ARHGAP15: variants seen among roughly 807,000 people sequenced by gnomAD.
ARHGAP15 encodes the protein Rho GTPase activating protein 15, also known as rho GTPase-activating protein 15.
A neutral mutation model predicts 63.7 loss-of-function variants in ARHGAP15; 51 were observed. That is an observed-to-expected ratio of 0.80 (90% CI 0.64 to 1.01). The LOEUF (loss-of-function observed/expected upper bound fraction) is 1.01. Among genes scored for constraint, ARHGAP15 ranks in the 50% least tolerant of loss-of-function variants. ARHGAP15 has a pLI of 0.00. For synonymous variants in ARHGAP15, 191 were observed against 193.8 expected, an observed-to-expected ratio of 0.99 and a Z score of 0.12; for missense variants, 560 against 564.6, an observed-to-expected ratio of 0.99 and a Z score of 0.08.
rs765945989 is a variant in ARHGAP15, at chr2:143,445,153, A to ACTTTTTTTTTTTTT, written c.703+8111_703+8112insCTTTTTTTTTTTTT. 1.6e-3 allele frequency among the ~76,000 whole-genome samples: 117 copies of ACTTTTTTTTTTTTT among 74,446 alleles called. 11 individuals carry two copies. The highest frequency in any genetic ancestry group is 5.6e-3 in the African/African-American group (103 of 18,494). The allele number at this position is 74,446 out of a possible 152,430, so 48.8% of individuals were successfully genotyped here. A position where few individuals can be genotyped will look rare whatever the true frequency, so the allele number is the denominator to read the frequency against. On this transcript the variant is annotated intron_variant, in intron 8 of 13. Transcript: ENST00000295095. The stretch of plus-strand genomic sequence containing the variant: ...TTGAAGTCAAAGATTAAGAACAATT[A>ACTTTTTTTTTTTTT]TTTTTTTTTTTTTTTTTTTTTTTTT...
intron 6 of ARHGAP15, among the ~76,000 whole-genome samples, chr2:143,334,098 T>A (rs1301217129): frequency 2.0e-5 from 3 of 152,204 alleles, no homozygotes; most frequent in African/African-American, 7.2e-5. Context: ...TCAAGCAGGA[T>A]CCTAGTTGAA....
intron 6 of ARHGAP15, among the ~76,000 whole-genome samples, chr2:143,296,453 CA>C (rs1474183484): frequency 1.3e-5 from 2 of 151,994 alleles, no homozygotes; most frequent in African/African-American, 4.8e-5. Flanking sequence ...AATGTAATAG[CA>C]CAATAGAATC....
At chr2:143,512,530 C>T (rs1156531715) in intron 9 of ARHGAP15, among the ~76,000 whole-genome samples, 1 of 152,216 alleles carries the variant, frequency 6.6e-6, no homozygotes, top group Non-Finnish European at 1.5e-5. Context: ...TAGCCAGTGT[C>T]ATCTGTAAGC....
chr2:143,413,971 G>GCGCGCGCGCGCGCGCA (rs147891307), intron 6 of ARHGAP15, among the ~76,000 whole-genome samples: 6,737 of 147,438 alleles, frequency 0.046, 583 homozygotes, highest in Admixed American at 0.2. Flanking sequence ...GTGTGTGCGC[G>GCGCGCGCGCGCGCGCA]CTCTCTGGCA....
chr2:143,716,406 C>T (rs201128105), intron 13 of ARHGAP15, among the ~76,000 whole-genome samples: 1 of 152,150 alleles, frequency 6.6e-6, no homozygotes, highest in East Asian at 1.9e-4. Flanking sequence ...TCTTGAAATA[C>T]AAAAATTTAT....
intron 10 of ARHGAP15, among the ~76,000 whole-genome samples, chr2:143,530,352 C>T (rs530103415): frequency 2.0e-5 from 3 of 152,144 alleles, no homozygotes; most frequent in African/African-American, 4.8e-5. Context: ...AGGGCAATGA[C>T]CTTTGTGTCC....
At chr2:143,271,520 G>T (rs1356915254) in intron 6 of ARHGAP15, among the ~76,000 whole-genome samples, 1 of 152,232 alleles carries the variant, frequency 6.6e-6, no homozygotes, top group Non-Finnish European at 1.5e-5. Context: ...CTGTCGCCCA[G>T]GCTTGAGTGC....
At chr2:143,299,052 G>C (rs530397275) in intron 6 of ARHGAP15, among the ~76,000 whole-genome samples, 6 of 151,852 alleles carry the variant, frequency 4.0e-5, no homozygotes, top group Non-Finnish European at 8.8e-5. Flanking sequence ...CATGTTTCCA[G>C]CACTGGGTCC....
intron 8 of ARHGAP15, among the ~76,000 whole-genome samples, chr2:143,456,246 G>A (rs1204377659): frequency 6.6e-6 from 1 of 152,086 alleles, no homozygotes; most frequent in Non-Finnish European, 1.5e-5. Context: ...TATTAACATT[G>A]AGACTTCTGT....
chr2:143,329,375 CA>C (rs1277257648), intron 6 of ARHGAP15, among the ~76,000 whole-genome samples: 2 of 152,170 alleles, frequency 1.3e-5, no homozygotes, highest in Admixed American at 6.5e-5. Flanking sequence ...CTACTGGCCT[CA>C]AATCAGAAAA....
chr2:143,500,312 A>T (rs1190793388), intron 9 of ARHGAP15, among the ~76,000 whole-genome samples: 2 of 151,504 alleles, frequency 1.3e-5, no homozygotes, highest in African/African-American at 4.8e-5. Context: ...AAAAGCATCA[A>T]TCTACAGTAA....
At position 143,627,864 on chromosome 2, in the gene ARHGAP15, G is replaced by A. The variant is rs143839028; in HGVS notation, c.1138+3597G>A. ...TTTATTTTAGATTAAGAAGGTACATGTGTAGGTTTGTTACCTGGGTATACT... is the reference window on the plus strand; with the variant it reads ...TTTATTTTAGATTAAGAAGGTACATATGTAGGTTTGTTACCTGGGTATACT... On this transcript the variant is annotated intron_variant, in intron 12 of 13. Transcript: ENST00000295095. 1.2e-4 allele frequency among the ~76,000 whole-genome samples: 19 copies of A among 152,164 alleles called. No individual in the cohort carries two copies. The East Asian group carries it at 3.5e-3, about 28-fold the overall frequency.
intron 6 of ARHGAP15, among the ~76,000 whole-genome samples, chr2:143,341,217 A>G (rs533185138): frequency 3.9e-4 from 59 of 152,174 alleles, no homozygotes; most frequent in Non-Finnish European, 7.2e-4. Context: ...GGGATGAACC[A>G]CATCCCCTTT....
chr2:143,429,575 C>T (rs944589104), intron 6 of ARHGAP15, among the ~76,000 whole-genome samples: 20 of 152,158 alleles, frequency 1.3e-4, no homozygotes, highest in African/African-American at 4.8e-4. Context: ...CTGAGGGTTC[C>T]AATAAATGTA....
At chr2:143,210,695 A>T (rs1692529753) in intron 3 of ARHGAP15, among the ~76,000 whole-genome samples, 1 of 152,174 alleles carries the variant, frequency 6.6e-6, no homozygotes, top group South Asian at 2.1e-4. Context: ...AAATAAGTTG[A>T]AATGAGTAAA....
At position 143,155,771 on chromosome 2, in the gene ARHGAP15, G is replaced by GT. The variant is rs1397759308; in HGVS notation, c.165+121dup. ...TTTTCCTAATGTGCATGAGAAAACT[G>GT]TTTTTGTAATGCATTTTATCTTGCA... On this transcript the variant is annotated intron_variant, in intron 2 of 13. Transcript: ENST00000295095. The GT allele has an allele frequency of 7.5e-6, 8 of 1,071,152 alleles. No homozygotes were observed. In the Admixed American group the frequency reaches 1.7e-4, roughly 23 times the overall value. The allele number at this position is 1,071,152 out of a possible 1,614,324, so 66.4% of individuals were successfully genotyped here.
chr2:143,191,524 T>C (rs1558804290), intron 2 of ARHGAP15, among the ~76,000 whole-genome samples: 1 of 152,190 alleles, frequency 6.6e-6, no homozygotes, highest in Non-Finnish European at 1.5e-5. Context: ...TAAAGATGAA[T>C]AAAACATGCC....
intron 6 of ARHGAP15, among the ~76,000 whole-genome samples, chr2:143,260,449 T>TCCTC (rs1680662804): frequency 6.6e-6 from 1 of 152,114 alleles, no homozygotes; most frequent in Non-Finnish European, 1.5e-5. Context: ...GAGTTAAAAT[T>TCCTC]GCCCCAGGAG....
At chr2:143,437,770 A>C (rs1406593725) in intron 8 of ARHGAP15, among the ~76,000 whole-genome samples, 1 of 152,162 alleles carries the variant, frequency 6.6e-6, no homozygotes, top group Non-Finnish European at 1.5e-5. Flanking sequence ...TCACGCCTGT[A>C]ATCCCAGCAC....
Sources: allele counts gnomAD v4.1 joint callset (sites outside exome capture counted in the v4.1 genomes callset), GRCh38; gene constraint gnomAD v4.1.1; transcripts MANE v1.5; gene names NCBI Gene and HGNC (gene_info 2026-07-23, HGNC 2026-07-21).